NET1: variants seen among roughly 807,000 people sequenced by gnomAD.
NET1 encodes neuroepithelial cell transforming 1, also known as neuroepithelial cell-transforming gene 1 protein.
A neutral mutation model predicts 61.1 loss-of-function variants in NET1; 42 were observed. The ratio of observed to expected loss-of-function variants is 0.69; its 90% CI spans 0.54 to 0.89. The LOEUF (loss-of-function observed/expected upper bound fraction) is 0.89, where lower values mean the gene tolerates loss of function less well. Ranked by LOEUF, NET1 falls within the 40% of genes least tolerant of loss-of-function variation. The probability of loss-of-function intolerance (pLI) is 0.00; values close to 1 mark genes in which losing one functional copy is unlikely to be tolerated. For missense variants in NET1, 654 were observed against 747.3 expected (o/e 0.88, Z 1.46); for synonymous variants, 254 against 281.8 (o/e 0.90, Z 0.99).
rs1832840228 is a variant in NET1 at position 5,458,198 on chromosome 10, T to G, written c.*1204T>G. ...TTTGACCATATTAGATAAATTTTCG[T>G]GGATTTAGTCATAAGATGGAAAAAG... On this transcript the variant is annotated 3_prime_UTR_variant, in exon 12 of 12. Coordinates refer to ENST00000355029, the MANE Select transcript of NET1 (RefSeq NM_001047160.3). This position sits in a 1 kb window ranked among gnomAD's most constrained non-coding sequence, Gnocchi z 4.5. 6.6e-6 allele frequency: 1 copy of G among 152,186 alleles called. No homozygotes were observed. The highest frequency in any genetic ancestry group is 2.1e-4 in the South Asian group (1 of 4,834). 9.4% of individuals were successfully genotyped at this position (152,186 alleles called of 1,614,324 possible).
chr10:5,445,219 T>G (rs1056735303), intron 3 of NET1, among the ~76,000 whole-genome samples: 4 of 152,252 alleles, frequency 2.6e-5, no homozygotes, highest in Non-Finnish European at 4.4e-5. Flanking sequence ...TGAAATTTTC[T>G]CTTGTTCAAA....
rs1832092690 is a variant in NET1 at position 5,416,994 on chromosome 10, C to T, written c.128+4174C>T. On this transcript the variant is annotated intron_variant, in intron 1 of 11. Transcript: ENST00000355029. This position sits in a 1 kb window ranked among gnomAD's most constrained non-coding sequence, Gnocchi z 6.1. The stretch of plus-strand genomic sequence containing the variant: ...TTGATGTACTGGAACAATCAGATGA[C>T]ACGTTGGCTTGGATAATGATTGCAA... Among the ~76,000 whole-genome samples, 1 of 152,204 alleles carries T rather than the reference C, an allele frequency of 6.6e-6. No individual in the cohort carries two copies. The highest frequency in any genetic ancestry group is 6.5e-5 in the Admixed American group (1 of 15,292).
Position 5,415,818 on chromosome 10 carries a change from A to C in NET1, c.128+2998A>C, listed in dbSNP as rs1832073559. 6.6e-6 allele frequency among the ~76,000 whole-genome samples: 1 copy of C among 151,952 alleles called. No homozygotes were observed. Among genetic ancestry groups the C allele is most frequent in the Non-Finnish European group, 1.5e-5 (1 of 67,984 alleles). The stretch of plus-strand genomic sequence containing the variant: ...ATACAAGTCCCTTATCAGATAGATT[A>C]TTTGCAAATATTTTCTCTTATTCTG... On this transcript the variant is annotated intron_variant, in intron 1 of 11. Coordinates refer to ENST00000355029, the MANE Select transcript of NET1 (RefSeq NM_001047160.3). This position sits in a 1 kb window ranked among gnomAD's most constrained non-coding sequence, Gnocchi z 4.7.
Position 5,457,063 on chromosome 10 carries a change from G to T in NET1, c.*69G>T. 1 of 1,437,436 alleles carries T rather than the reference G, an allele frequency of 7.0e-7. No individual in the cohort carries two copies. Among genetic ancestry groups the T allele is most frequent in the Non-Finnish European group, 9.3e-7 (1 of 1,078,350 alleles). 89.0% of individuals were successfully genotyped at this position (1,437,436 alleles called of 1,614,324 possible). A position where few individuals can be genotyped will look rare whatever the true frequency, so the allele number is the denominator to read the frequency against. ...TAAATGTGTACAGTTTTGTTTTCTC[G>T]TAAGGGGAGCATCATAGGGTTACTT... On this transcript the variant is annotated 3_prime_UTR_variant, in exon 12 of 12. Coordinates refer to ENST00000355029, the MANE Select transcript of NET1 (RefSeq NM_001047160.3). The surrounding 1 kb of genome is among the most constrained non-coding windows in gnomAD (Gnocchi z 5.4).
rs1832353581 is a variant in NET1, at chr10:5,431,732, C to A, written c.255+2503C>A. 6.6e-6 allele frequency among the ~76,000 whole-genome samples: 1 copy of A among 151,934 alleles called. No homozygotes were observed. Among genetic ancestry groups the A allele is most frequent in the South Asian group, 2.1e-4 (1 of 4,812 alleles). ...TTCTCCTTAGTATTATGAACTCATGCATATAAATACTTGTTTTACATGGAT... is the reference window on the plus strand; with the variant it reads ...TTCTCCTTAGTATTATGAACTCATGAATATAAATACTTGTTTTACATGGAT... On this transcript the variant is annotated intron_variant, in intron 3 of 11. Transcript: ENST00000355029. The surrounding 1 kb of genome is among the most constrained non-coding windows in gnomAD (Gnocchi z 4.9).
chr10:5,456,033 C>T lies in NET1; in HGVS notation c.1198-54C>T. 2 of 1,480,120 alleles carry T rather than the reference C, an allele frequency of 1.4e-6. No individual in the cohort carries two copies. Among genetic ancestry groups the T allele is most frequent in the Non-Finnish European group, 1.8e-6 (2 of 1,083,052 alleles). 91.7% of individuals were successfully genotyped at this position (1,480,120 alleles called of 1,614,324 possible). A position where few individuals can be genotyped will look rare whatever the true frequency, so the allele number is the denominator to read the frequency against. ...GTCGAGTTATTTTAGCAATATATTT[C>T]AGTCACTTAAAAACACAAGTTTCCT... On this transcript the variant is annotated intron_variant, in intron 10 of 11. Coordinates refer to ENST00000355029, the MANE Select transcript of NET1 (RefSeq NM_001047160.3). The surrounding 1 kb of genome is among the most constrained non-coding windows in gnomAD (Gnocchi z 7.0).
Position 5,446,847 on chromosome 10 carries a change from A to G in NET1, c.256-4983A>G. 4 of 1,608,644 alleles carry G rather than the reference A, an allele frequency of 2.5e-6. No homozygotes were observed. Among genetic ancestry groups the G allele is most frequent in the Non-Finnish European group, 3.4e-6 (4 of 1,176,684 alleles). On this transcript the variant is annotated intron_variant, in intron 3 of 11. Coordinates refer to ENST00000355029, the MANE Select transcript of NET1 (RefSeq NM_001047160.3). This position sits in a 1 kb window ranked among gnomAD's most constrained non-coding sequence, Gnocchi z 5.0. ...CCTAGATGTCAATAACCAGTCCTTC[A>G]GAGAACAAGAGGTAAGACTTTAAGA...
chr10:5,419,975 G>A (rs1240084026), intron 1 of NET1, among the ~76,000 whole-genome samples: 3 of 151,950 alleles, frequency 2.0e-5, no homozygotes, highest in Non-Finnish European at 2.9e-5. Flanking sequence ...TTTTTACTAT[G>A]ATGTGTCTGT....
Position 5,446,744 on chromosome 10 carries a change from T to G in NET1, c.256-5086T>G, listed in dbSNP as rs1588436673. The G allele has an allele frequency of 6.3e-7, 1 of 1,592,432 alleles. No individual in the cohort carries two copies. Among genetic ancestry groups the G allele is most frequent in the Non-Finnish European group, 8.6e-7 (1 of 1,167,314 alleles). On this transcript the variant is annotated intron_variant, in intron 3 of 11. Transcript: ENST00000355029. The surrounding 1 kb of genome is among the most constrained non-coding windows in gnomAD (Gnocchi z 5.0). Reference sequence around the variant, plus strand: ...ACTCGGTGTGGATTGATTGGAAAGGTTTGAGGGAGTACTTGGGAAGCATGG... The same window carrying G: ...ACTCGGTGTGGATTGATTGGAAAGGGTTGAGGGAGTACTTGGGAAGCATGG...
rs554495181 is a variant in NET1, at chr10:5,441,781, C to A, written c.256-10049C>A. 6.6e-6 allele frequency among the ~76,000 whole-genome samples: 1 copy of A among 152,142 alleles called. No homozygotes were observed. The highest frequency in any genetic ancestry group is 1.5e-5 in the Non-Finnish European group (1 of 68,024). The stretch of plus-strand genomic sequence containing the variant: ...ATATAACTTCATTACTAATTTCTTT[C>A]GTACTTATCCAGTTCAAATGTAACT... On this transcript the variant is annotated intron_variant, in intron 3 of 11. Coordinates refer to ENST00000355029, the MANE Select transcript of NET1 (RefSeq NM_001047160.3). This position sits in a 1 kb window ranked among gnomAD's most constrained non-coding sequence, Gnocchi z 4.6.
chr10:5,456,340 C>T lies in NET1; in HGVS notation c.1384+67C>T. On this transcript the variant is annotated intron_variant, in intron 11 of 11. Transcript: ENST00000355029. The surrounding 1 kb of genome is among the most constrained non-coding windows in gnomAD (Gnocchi z 7.0). ...AGAACTGAAGTGAATTTAGTTTTGCCTTTAAGAATTCTAGAGATGAAATGG... is the reference window on the plus strand; with the variant it reads ...AGAACTGAAGTGAATTTAGTTTTGCTTTTAAGAATTCTAGAGATGAAATGG... 1 of 1,408,072 alleles carries T rather than the reference C, an allele frequency of 7.1e-7. No individual in the cohort carries two copies. The highest frequency in any genetic ancestry group is 9.5e-7 in the Non-Finnish European group (1 of 1,054,942). The allele number at this position is 1,408,072 out of a possible 1,614,324, so 87.2% of individuals were successfully genotyped here. A position where few individuals can be genotyped will look rare whatever the true frequency, so the allele number is the denominator to read the frequency against.
Position 5,452,884 on chromosome 10 carries a change from A to C in NET1, c.558A>C (p.Glu186Asp). 1 of 1,613,686 alleles carries C rather than the reference A, an allele frequency of 6.2e-7. No homozygotes were observed. The highest frequency in any genetic ancestry group is 8.5e-7 in the Non-Finnish European group (1 of 1,179,726). Reference protein sequence around the residue: ...QEAIYEMSRGEQDLIEDLKLA... With the variant: ...QEAIYEMSRGDQDLIEDLKLA... ...CAATATATGAAATGTCCCGAGGTGAACAGGATTTAATTGAGGATCTCAAAC... is the reference window on the plus strand; with the variant it reads ...CAATATATGAAATGTCCCGAGGTGACCAGGATTTAATTGAGGATCTCAAAC... Residue 186 changes from glutamate (E) to aspartate (D), a missense_variant, in exon 6 of 12, where the codon GAA becomes GAC. By Grantham distance (45) the Glu-to-Asp change is conservative. Transcript: ENST00000355029. This position sits in a 1 kb window ranked among gnomAD's most constrained non-coding sequence, Gnocchi z 4.0.
Position 5,431,573 on chromosome 10 carries a change from C to T in NET1, c.255+2344C>T, listed in dbSNP as rs978317053. ...TCTGTAAAGAGAAAATTCACCTTGT[C>T]GGCCATTTGATTACTCTGAAGTTCT... On this transcript the variant is annotated intron_variant, in intron 3 of 11. Transcript: ENST00000355029. This position sits in a 1 kb window ranked among gnomAD's most constrained non-coding sequence, Gnocchi z 4.9. Among the ~76,000 whole-genome samples the T allele has an allele frequency of 1.3e-5, 2 of 151,734 alleles. No individual in the cohort carries two copies. The highest frequency in any genetic ancestry group is 4.8e-5 in the African/African-American group (2 of 41,280).
intron 1 of NET1, among the ~76,000 whole-genome samples, chr10:5,413,443 A>C (rs753782133): frequency 5.3e-5 from 8 of 152,232 alleles, no homozygotes; most frequent in Non-Finnish European, 1.2e-4. Flanking sequence ...TTGTGGAAGT[A>C]TACATTGAAA....
intron 3 of NET1, among the ~76,000 whole-genome samples, chr10:5,450,089 G>A (rs1006712963): frequency 7.2e-5 from 11 of 152,224 alleles, no homozygotes; most frequent in South Asian, 2.1e-4. Flanking sequence ...ACAGATGTAC[G>A]TGGGGGAGGC....
Position 5,443,065 on chromosome 10 carries a change from G to GTATTC in NET1, c.256-8765_256-8764insTATTC, listed in dbSNP as rs1832550425. Among the ~76,000 whole-genome samples, 1 of 152,114 alleles carries GTATTC rather than the reference G, an allele frequency of 6.6e-6. No homozygotes were observed. Among genetic ancestry groups the GTATTC allele is most frequent in the South Asian group, 2.1e-4 (1 of 4,820 alleles). On this transcript the variant is annotated intron_variant, in intron 3 of 11. Coordinates refer to ENST00000355029, the MANE Select transcript of NET1 (RefSeq NM_001047160.3). This position sits in a 1 kb window ranked among gnomAD's most constrained non-coding sequence, Gnocchi z 4.8. ...AATTTAGTGAATACTGCTAGCCTGG[G>GTATTC]ACTCAGGAGACTTTGGTTTTAAACT...
rs576817881 is a variant in NET1, at chr10:5,452,769, G to A, written c.532-89G>A. Reference sequence around the variant, plus strand: ...AGACTGAGTTACTTTTTAAAATGCCGTTCAAAACATCAAATAATGTAATTA... The same window carrying A: ...AGACTGAGTTACTTTTTAAAATGCCATTCAAAACATCAAATAATGTAATTA... On this transcript the variant is annotated intron_variant, in intron 5 of 11. Coordinates refer to ENST00000355029, the MANE Select transcript of NET1 (RefSeq NM_001047160.3). This position sits in a 1 kb window ranked among gnomAD's most constrained non-coding sequence, Gnocchi z 4.0. The A allele has an allele frequency of 1.1e-4, 131 of 1,228,204 alleles. No homozygotes were observed. The East Asian group carries it at 1.3e-3, about 12-fold the overall frequency. 76.1% of individuals were successfully genotyped at this position (1,228,204 alleles called of 1,614,324 possible).
chr10:5,457,719 T>G lies in NET1; in HGVS notation c.*725T>G. The stretch of plus-strand genomic sequence containing the variant: ...GATTAAAAATGTGTGTGTATGTGTG[T>G]GTGTGTGTGTATATATATATATATT... On this transcript the variant is annotated 3_prime_UTR_variant, in exon 12 of 12. Transcript: ENST00000355029. The surrounding 1 kb of genome is among the most constrained non-coding windows in gnomAD (Gnocchi z 5.4). 1 of 152,642 alleles carries G rather than the reference T, an allele frequency of 6.6e-6. No homozygotes were observed. Among genetic ancestry groups the G allele is most frequent in the East Asian group, 1.9e-4 (1 of 5,180 alleles). 9.5% of individuals were successfully genotyped at this position (152,642 alleles called of 1,614,324 possible). A position where few individuals can be genotyped will look rare whatever the true frequency, so the allele number is the denominator to read the frequency against.
chr10:5,412,578 G>A lies in NET1; in HGVS notation c.-115G>A. On this transcript the variant is annotated 5_prime_UTR_variant, in exon 1 of 12. Transcript: ENST00000355029. This position sits in a 1 kb window ranked among gnomAD's most constrained non-coding sequence, Gnocchi z 6.5. ...TTTCAAATCCCCGGATGACGGCGGTGGCGGCTGCAGTCCGCTGACAGGCGC... is the reference window on the plus strand; with the variant it reads ...TTTCAAATCCCCGGATGACGGCGGTAGCGGCTGCAGTCCGCTGACAGGCGC... 1 of 1,134,364 alleles carries A rather than the reference G, an allele frequency of 8.8e-7. No homozygotes were observed. Among genetic ancestry groups the A allele is most frequent in the Non-Finnish European group, 1.2e-6 (1 of 848,162 alleles). 70.3% of individuals were successfully genotyped at this position (1,134,364 alleles called of 1,614,324 possible).
Sources: allele counts gnomAD v4.1 joint callset (sites outside exome capture counted in the v4.1 genomes callset), GRCh38; gene constraint gnomAD v4.1.1; non-coding constraint Gnocchi (gnomAD v3.1); transcripts MANE v1.5; gene names NCBI Gene and HGNC (gene_info 2026-07-23, HGNC 2026-07-21).